The following LRBA variants were observed in gnomAD, a reference collection of about 807,000 sequenced individuals.
LRBA encodes lipopolysaccharide-responsive and beige-like anchor protein.
LRBA carries 176 observed loss-of-function variants against 330.0 expected under a neutral mutation model. The ratio of observed to expected loss-of-function variants is 0.53; its 90% CI spans 0.47 to 0.60. LRBA has a LOEUF of 0.60. Ranked by LOEUF, LRBA falls within the 20% of genes least tolerant of loss-of-function variation. The pLI is 0.00. For synonymous variants in LRBA, 1,230 were observed against 1,193.0 expected, an observed-to-expected ratio of 1.03 and a Z score of -0.64; for missense variants, 3,259 against 3,444.8, an observed-to-expected ratio of 0.95 and a Z score of 1.35.
chr4:151,005,602 CTTTTTT>C (rs1187161237), intron 2 of LRBA, among the ~76,000 whole-genome samples: 1 of 102,982 alleles, frequency 9.7e-6, no homozygotes, highest in African/African-American at 4.6e-5. Context: ...GTTACCCAGG[CTTTTTT>C]TTTTTTTTTT....
At chr4:150,890,135 CCCT>C (rs1486282929) in intron 17 of LRBA, among the ~76,000 whole-genome samples, 2 of 152,058 alleles carry the variant, frequency 1.3e-5, no homozygotes, top group African/African-American at 4.8e-5. Flanking sequence ...TGAAATAATT[CCCT>C]CCTAATAGGT....
intron 2 of LRBA, among the ~76,000 whole-genome samples, chr4:150,997,043 A>T (rs771836520): frequency 6.6e-6 from 1 of 152,058 alleles, no homozygotes; most frequent in Non-Finnish European, 1.5e-5. Flanking sequence ...TTCTTTTTTT[A>T]TTTTTATTTT....
chr4:150,882,885 G>A (rs754566464), intron 17 of LRBA, among the ~76,000 whole-genome samples: 2 of 152,166 alleles, frequency 1.3e-5, no homozygotes, highest in Non-Finnish European at 2.9e-5. Flanking sequence ...TTCAATATCA[G>A]AGCTAATGTT....
chr4:150,358,674 T>C (rs886225924), intron 47 of LRBA, among the ~76,000 whole-genome samples: 1 of 152,144 alleles, frequency 6.6e-6, no homozygotes, highest in Admixed American at 6.5e-5. Context: ...TCCACCTAGG[T>C]ATAGAAAAAT....
intron 2 of LRBA, among the ~76,000 whole-genome samples, chr4:150,982,219 G>A (rs1323215696): frequency 6.6e-6 from 1 of 151,804 alleles, no homozygotes; most frequent in Non-Finnish European, 1.5e-5. Context: ...CAAGTAATTG[G>A]GACTTCAGTT....
intron 44 of LRBA, among the ~76,000 whole-genome samples, chr4:150,437,906 T>TTGCTA (rs1751332101): frequency 6.6e-6 from 1 of 152,208 alleles, no homozygotes; most frequent in Non-Finnish European, 1.5e-5. Flanking sequence ...ATCTTTATTA[T>TTGCTA]TGCTACTGCT....
intron 14 of LRBA, among the ~76,000 whole-genome samples, chr4:150,898,096 A>G (rs1730307526): frequency 6.6e-6 from 1 of 152,116 alleles, no homozygotes; most frequent in Non-Finnish European, 1.5e-5. Flanking sequence ...CATAAAAATG[A>G]GGTAACAAAT....
chr4:150,877,549 G>A (rs1452701341), intron 17 of LRBA, among the ~76,000 whole-genome samples: 1 of 152,180 alleles, frequency 6.6e-6, no homozygotes, highest in Non-Finnish European at 1.5e-5. Flanking sequence ...ACGAGACGTA[G>A]GAACAGACTT....
At position 150,905,898 on chromosome 4, in the gene LRBA, G is replaced by A. The variant is rs1579159105; in HGVS notation, c.1695C>T (p.Leu565=). 1.2e-6 allele frequency: 2 copies of A among 1,613,690 alleles called. No homozygotes were observed. The highest frequency in any genetic ancestry group is 8.5e-7 in the Non-Finnish European group (1 of 1,179,682). Residue 565 remains leucine, a synonymous_variant, in exon 13 of 57, where the codon CTC becomes CTT. Coordinates refer to ENST00000651943, the MANE Select transcript of LRBA (RefSeq NM_001364905.1). The part of the protein sequence containing the change: ...LSNLQNGMPL[L]KQLCDHVLLN... ...GAAGAACGTGATCACACAATTGCTTGAGCAGGGGCATCCCATTCTGCAGAT... is the reference window on the plus strand; with the variant it reads ...GAAGAACGTGATCACACAATTGCTTAAGCAGGGGCATCCCATTCTGCAGAT...
intron 40 of LRBA, among the ~76,000 whole-genome samples, chr4:150,526,010 A>G (rs1259953422): frequency 6.6e-6 from 1 of 152,138 alleles, no homozygotes; most frequent in Admixed American, 6.6e-5. Flanking sequence ...AATCCAGTTT[A>G]CATTAATTTT....
chr4:150,327,132 T>C (rs1182012714), intron 48 of LRBA, among the ~76,000 whole-genome samples: 2 of 152,188 alleles, frequency 1.3e-5, no homozygotes, highest in African/African-American at 4.8e-5. Context: ...ACTTTATATC[T>C]TTTTGAAGAA....
chr4:150,518,034 G>T (rs1762545030), intron 40 of LRBA, among the ~76,000 whole-genome samples: 1 of 152,154 alleles, frequency 6.6e-6, no homozygotes, highest in Admixed American at 6.5e-5. Flanking sequence ...TTCTTACTAT[G>T]GATCTTAGCA....
intron 22 of LRBA, among the ~76,000 whole-genome samples, chr4:150,867,153 G>A (rs1579042604): frequency 6.9e-6 from 1 of 145,430 alleles, no homozygotes; most frequent in Non-Finnish European, 1.5e-5. Flanking sequence ...TCCAAACCCA[G>A]TTTTTAGCTA....
intron 40 of LRBA, among the ~76,000 whole-genome samples, chr4:150,502,289 G>T (rs1210543245): frequency 6.6e-6 from 1 of 152,204 alleles, no homozygotes; most frequent in Non-Finnish European, 1.5e-5. Context: ...GTTAGCTCTA[G>T]ACTTAATGCT....
rs1222697259 is a variant in LRBA at position 151,014,451 on chromosome 4, A to C, written c.192T>G (p.Asp64Glu). The change falls in exon 2 of 57, where the codon GAT becomes GAG. Residue 64 changes from aspartate (D) to glutamate (E), a missense_variant. Coordinates refer to ENST00000651943, the MANE Select transcript of LRBA (RefSeq NM_001364905.1). ...LVEVGEVSNR[D>E]IVETVFNLLV... ...CCAGGTTAAAGACAGTTTCTACAAT[A>C]TCCCTATTGGATACTTCTCCAACTT... The C allele has an allele frequency of 1.9e-5, 30 of 1,614,030 alleles. No individual in the cohort carries two copies. The highest frequency in any genetic ancestry group is 2.4e-5 in the Non-Finnish European group (28 of 1,179,962).
At chr4:150,792,028 C>CAAAAAAAAAAAAA (rs11389573) in intron 34 of LRBA, among the ~76,000 whole-genome samples, 1 of 46,328 alleles carries the variant, frequency 2.2e-5, no homozygotes, top group Non-Finnish European at 3.6e-5. Flanking sequence ...GGCTCCATCT[C>CAAAAAAAAAAAAA]AAAAAAAAAA....
rs142658142 is a variant in LRBA, at chr4:150,418,250, T to C, written c.7042-2660A>G. On this transcript the variant is annotated intron_variant, in intron 46 of 56. Transcript: ENST00000651943. ...CCAGGCTAGTCTCAAACTCTTGGCTTCAAGCAATCCTCCCCAAAATATATT... is the reference window on the plus strand; with the variant it reads ...CCAGGCTAGTCTCAAACTCTTGGCTCCAAGCAATCCTCCCCAAAATATATT... 3.2e-3 allele frequency among the ~76,000 whole-genome samples: 487 copies of C among 152,238 alleles called. 1 individual carries two copies. The highest frequency in any genetic ancestry group is 0.011 in the African/African-American group (464 of 41,560).
At chr4:150,666,584 T>C (rs1348696785) in intron 37 of LRBA, among the ~76,000 whole-genome samples, 2 of 152,186 alleles carry the variant, frequency 1.3e-5, no homozygotes, top group Non-Finnish European at 2.9e-5. Flanking sequence ...AACATTGTAT[T>C]CAGTATTATA....
intron 35 of LRBA, among the ~76,000 whole-genome samples, chr4:150,753,690 A>G (rs907232270): frequency 6.6e-6 from 1 of 152,214 alleles, no homozygotes; most frequent in Non-Finnish European, 1.5e-5. Flanking sequence ...GAAATCTAGT[A>G]GAATTTAGCA....
Sources: allele counts gnomAD v4.1 joint callset (sites outside exome capture counted in the v4.1 genomes callset), GRCh38; gene constraint gnomAD v4.1.1; transcripts MANE v1.5; gene names NCBI Gene and HGNC (gene_info 2026-07-23, HGNC 2026-07-21).